The following PAPSS2 variants were observed in gnomAD, a reference collection of about 807,000 sequenced individuals.
PAPSS2 encodes the protein 3'-phosphoadenosine 5'-phosphosulfate synthase 2.
A neutral mutation model predicts 66.5 loss-of-function variants in PAPSS2; 61 were observed. That is an observed-to-expected ratio of 0.92 (90% CI 0.75 to 1.14). The LOEUF (loss-of-function observed/expected upper bound fraction) is 1.14, where lower values mean the gene tolerates loss of function less well. Ranked by LOEUF, PAPSS2 falls within the 50% of genes most tolerant of loss-of-function variation. PAPSS2 has a pLI of 0.00. For synonymous variants in PAPSS2, 289 were observed against 287.5 expected, an observed-to-expected ratio of 1.01 and a Z score of -0.05; for missense variants, 708 against 789.6, an observed-to-expected ratio of 0.90 and a Z score of 1.24.
chr10:87,673,414 C>A (rs1852903711), intron 1 of PAPSS2, among the ~76,000 whole-genome samples: 1 of 152,048 alleles, frequency 6.6e-6, no homozygotes, highest in Non-Finnish European at 1.5e-5. Context: ...CCCACCTTGC[C>A]CTCCTAAAGT....
intron 1 of PAPSS2, among the ~76,000 whole-genome samples, chr10:87,670,315 T>G (rs1852860430): frequency 6.6e-6 from 1 of 152,190 alleles, no homozygotes; most frequent in Non-Finnish European, 1.5e-5. Context: ...CCAGTGCATT[T>G]TTCACATAAA....
intron 1 of PAPSS2, among the ~76,000 whole-genome samples, chr10:87,691,169 A>G (rs1853166836): frequency 6.6e-6 from 1 of 152,156 alleles, no homozygotes; most frequent in African/African-American, 2.4e-5. Flanking sequence ...CCACTTTGGC[A>G]CCTATCCTCT....
At position 87,709,237 on chromosome 10, in the gene PAPSS2, C is replaced by A; in HGVS notation, c.69C>A (p.His23Gln). ...CCACCAATGTAGTCTATCAGGCCCACCATGTGAGCAGGAATAAGAGAGGGC... is the reference window on the plus strand; with the variant it reads ...CCACCAATGTAGTCTATCAGGCCCAACATGTGAGCAGGAATAAGAGAGGGC... ...QKSTNVVYQAHHVSRNKRGQV... is the reference protein window; with the variant it reads ...QKSTNVVYQAQHVSRNKRGQV... The change falls in exon 2 of 13, where the codon CAC becomes CAA. Residue 23 changes from histidine to glutamine, a missense_variant. Coordinates refer to ENST00000456849, the MANE Select transcript of PAPSS2 (RefSeq NM_001015880.2). The A allele has an allele frequency of 2.5e-6, 4 of 1,613,426 alleles. No individual in the cohort carries two copies. The highest frequency in any genetic ancestry group is 3.4e-6 in the Non-Finnish European group (4 of 1,179,578).
At chr10:87,686,183 G>A (rs988724688) in intron 1 of PAPSS2, among the ~76,000 whole-genome samples, 2 of 148,696 alleles carry the variant, frequency 1.3e-5, no homozygotes, top group Non-Finnish European at 3.0e-5. Context: ...GTGTATGTAT[G>A]TACAGAGATA....
At chr10:87,675,726 T>C (rs2077695) in intron 1 of PAPSS2, among the ~76,000 whole-genome samples, 47,927 of 152,108 alleles carry the variant, frequency 0.32, 9,046 homozygotes, top group East Asian at 0.44. Flanking sequence ...TCCACCCTGC[T>C]AAGCTTCACA....
chr10:87,745,472 C>T (rs1362592690), intron 12 of PAPSS2, among the ~76,000 whole-genome samples: 1 of 152,192 alleles, frequency 6.6e-6, no homozygotes, highest in Admixed American at 6.5e-5. Flanking sequence ...TGAGCATGCA[C>T]AGAGTGCCTG....
chr10:87,705,247 C>T (rs148763022), intron 1 of PAPSS2, among the ~76,000 whole-genome samples: 15 of 152,174 alleles, frequency 9.9e-5, no homozygotes, highest in East Asian at 3.9e-4. Context: ...ATCCATATTC[C>T]GTGTATTAAT....
intron 9 of PAPSS2, 84 bp from the exon 10 acceptor site, chr10:87,741,151 G>A (rs191878399): frequency 6.6e-6 from 9 of 1,373,148 alleles, no homozygotes; most frequent in Admixed American, 3.4e-5. Flanking sequence ...ACTGTAACCC[G>A]AGATTGGTCT....
At chr10:87,723,780 G>A (rs1853625147) in intron 8 of PAPSS2, among the ~76,000 whole-genome samples, 1 of 152,134 alleles carries the variant, frequency 6.6e-6, no homozygotes, top group Non-Finnish European at 1.5e-5. Context: ...ATAACTACTA[G>A]GGGGAGTCTT....
At position 87,739,867 on chromosome 10, in the gene PAPSS2, T is replaced by G. The variant is rs143160106; in HGVS notation, c.1087-1368T>G. ...TTCTTGATGAAGCTGTAAAAGCGAT[T>G]ATTAAATCTTGGCCCTTGAGTCCCC... On this transcript the variant is annotated intron_variant, in intron 9 of 12. Coordinates refer to ENST00000456849, the MANE Select transcript of PAPSS2 (RefSeq NM_001015880.2). 5.3e-5 allele frequency among the ~76,000 whole-genome samples: 8 copies of G among 152,352 alleles called. 1 individual carries two copies. In the East Asian group the frequency reaches 1.5e-3, roughly 29 times the overall value.
At chr10:87,704,018 G>C in intron 1 of PAPSS2, 1 of 504,364 alleles carries the variant, frequency 2.0e-6, no homozygotes, top group Non-Finnish European at 4.0e-6. Context: ...TTGGCAGAGA[G>C]TACAGCTTTC....
chr10:87,693,510 G>A (rs1050874186), intron 1 of PAPSS2, among the ~76,000 whole-genome samples: 1 of 152,152 alleles, frequency 6.6e-6, no homozygotes, highest in Non-Finnish European at 1.5e-5. Context: ...ATTTTAATTA[G>A]CTATCTTTGG....
chr10:87,730,642 T>C (rs1417819230), intron 9 of PAPSS2, among the ~76,000 whole-genome samples: 1 of 152,202 alleles, frequency 6.6e-6, no homozygotes, highest in East Asian at 1.9e-4. Flanking sequence ...CCCTTTTGAA[T>C]AGCCATCTTG....
chr10:87,737,864 A>G (rs1297680601), intron 9 of PAPSS2, among the ~76,000 whole-genome samples: 8 of 152,044 alleles, frequency 5.3e-5, no homozygotes, highest in African/African-American at 1.9e-4. Flanking sequence ...CCTGGTAACT[A>G]CCATCCTTCC....
At chr10:87,700,065 A>G (rs1310046939) in intron 1 of PAPSS2, among the ~76,000 whole-genome samples, 1 of 152,130 alleles carries the variant, frequency 6.6e-6, no homozygotes, top group Admixed American at 6.6e-5. Context: ...TAACGAGATT[A>G]ATGTTAACTC....
Position 87,713,720 on chromosome 10 carries a change from A to G in PAPSS2, c.382-324A>G, listed in dbSNP as rs7898500. Among the ~76,000 whole-genome samples, 76,607 of 152,092 alleles carry G rather than the reference A, an allele frequency of 0.5. 20,246 individuals are homozygous for G. The highest frequency in any genetic ancestry group is 0.71 in the East Asian group (3,669 of 5,184). The stretch of plus-strand genomic sequence containing the variant: ...TGTGTTTAATGCTGACATCACTGAG[A>G]TGGAGTGTCACTCTTCTTTTAAATC... On this transcript the variant is annotated intron_variant, in intron 3 of 12. Coordinates refer to ENST00000456849, the MANE Select transcript of PAPSS2 (RefSeq NM_001015880.2).
At chr10:87,700,511 G>T (rs10887742) in intron 1 of PAPSS2, among the ~76,000 whole-genome samples, 78,148 of 151,736 alleles carry the variant, frequency 0.52, 21,733 homozygotes, top group African/African-American at 0.74. Context: ...TACAAAAATT[G>T]GCCAGCCACA....
intron 1 of PAPSS2, among the ~76,000 whole-genome samples, chr10:87,682,941 G>A (rs972190812): frequency 5.9e-5 from 9 of 152,298 alleles, no homozygotes; most frequent in Non-Finnish European, 1.0e-4. Flanking sequence ...GATGCTGCGC[G>A]TGCTTTCCCC....
intron 4 of PAPSS2, 77 bp from the exon 5 acceptor site, chr10:87,714,668 C>T: frequency 1.1e-6 from 1 of 890,832 alleles, no homozygotes; most frequent in Non-Finnish European, 1.9e-6. Context: ...ATTATTCCAA[C>T]ATGTGTTTTG....
Sources: gnomAD v4.1 joint callset for allele counts (sites outside exome capture counted in the v4.1 genomes callset) on GRCh38, gnomAD v4.1.1 for gene constraint, MANE v1.5 for transcripts, NCBI Gene and HGNC (gene_info 2026-07-23, HGNC 2026-07-21) for gene names.